CD109: variants seen among roughly 807,000 people sequenced by gnomAD.
CD109 encodes CD109 antigen.
A neutral mutation model predicts 165.8 loss-of-function variants in CD109; 149 were observed. The ratio of observed to expected loss-of-function variants is 0.90; its 90% CI spans 0.79 to 1.03. The LOEUF (loss-of-function observed/expected upper bound fraction) is 1.03. CD109 is among the 50% of genes least tolerant of loss of function. The pLI is 0.00. For synonymous variants in CD109, 585 were observed against 592.1 expected, an observed-to-expected ratio of 0.99 and a Z score of 0.18; for missense variants, 1,712 against 1,677.8, an observed-to-expected ratio of 1.02 and a Z score of -0.36.
chr6:73,775,029 A>G (rs556155530), intron 15 of CD109, among the ~76,000 whole-genome samples: 229 of 152,142 alleles, frequency 1.5e-3, no homozygotes, highest in Non-Finnish European at 2.8e-3. Context: ...TCCAGGAATA[A>G]TTTTTAGACA....
chr6:73,696,944 G>C (rs868542514), intron 1 of CD109, among the ~76,000 whole-genome samples: 18 of 152,218 alleles, frequency 1.2e-4, no homozygotes, highest in Non-Finnish European at 2.9e-5. Context: ...TCGTTGGGCA[G>C]CTACTCAAGG....
chr6:73,705,323 T>A (rs1485331258), intron 2 of CD109, among the ~76,000 whole-genome samples: 1 of 151,988 alleles, frequency 6.6e-6, no homozygotes, highest in Non-Finnish European at 1.5e-5. Context: ...TGAGAGAAGC[T>A]TGGAAAGAGG....
At chr6:73,696,544 AAG>A (rs1770850325) in intron 1 of CD109, among the ~76,000 whole-genome samples, 1 of 152,210 alleles carries the variant, frequency 6.6e-6, no homozygotes, top group Non-Finnish European at 1.5e-5. Context: ...CAACTTTCTG[AAG>A]AGAGTCATTT....
chr6:73,688,761 GTTTTTTTTTTT>G, the CD109 span, among the ~76,000 whole-genome samples: 17 of 73,528 alleles, frequency 2.3e-4, no homozygotes, highest in African/African-American at 6.6e-4. Flanking sequence ...GTTTTTCTTT[GTTTTTTTTTTT>G]TTTTTTTTTT....
In CD109 at chr6:73,810,095, T is replaced by C. The variant is rs1775700630; in HGVS notation, c.3467T>C (p.Phe1156Ser). 1.2e-6 allele frequency: 2 copies of C among 1,610,278 alleles called. No homozygotes were observed. The highest frequency in any genetic ancestry group is 2.7e-5 in the African/African-American group (2 of 74,668). ...GCACTGCTCTCACACTTCTTACAAT[T>C]TCAGACTTCTGAGGGAATCCCAATT... ...AYALLSHFLQ[F>S]QTSEGIPIMR... Residue 1156 changes from phenylalanine (F) to serine (S), a missense_variant, in exon 27 of 33, where the codon TTT becomes TCT. Coordinates refer to ENST00000287097, the MANE Select transcript of CD109 (RefSeq NM_133493.5).
intron 5 of CD109, among the ~76,000 whole-genome samples, chr6:73,747,225 A>C (rs1452430082): frequency 6.6e-6 from 1 of 152,178 alleles, no homozygotes; most frequent in Admixed American, 6.5e-5. Context: ...TCTTTTTATA[A>C]AATCTAATAT....
At chr6:73,818,780 G>A (rs1345420750) in intron 31 of CD109, among the ~76,000 whole-genome samples, 3 of 152,092 alleles carry the variant, frequency 2.0e-5, no homozygotes, top group Non-Finnish European at 4.4e-5. Context: ...TTTATGTCAT[G>A]CCAGATGTGA....
rs761300518 is a variant in CD109, at chr6:73,820,444, C to CT, written c.4060-13dup. The CT allele has an allele frequency of 6.8e-7, 1 of 1,466,858 alleles. No individual in the cohort carries two copies. The highest frequency in any genetic ancestry group is 9.5e-7 in the Non-Finnish European group (1 of 1,051,132). The allele number at this position is 1,466,858 out of a possible 1,614,324, so 90.9% of individuals were successfully genotyped here. On this transcript the variant is annotated splice_polypyrimidine_tract_variant and intron_variant, in intron 31 of 32. Coordinates refer to ENST00000287097, the MANE Select transcript of CD109 (RefSeq NM_133493.5). ...CACAGTGTGCCAACCCCTTAAGACT[C>CT]TTTTGTATTTCTCAAGGTAAATGAA...
upstream of CD109, among the ~76,000 whole-genome samples, chr6:73,693,376 A>AC (rs879801460): frequency 4.6e-5 from 7 of 151,738 alleles, no homozygotes; most frequent in Non-Finnish European, 1.0e-4. Flanking sequence ...GTACTCACTC[A>AC]CCCCCCGACC....
Position 73,762,417 on chromosome 6 carries a change from A to G in CD109, c.792A>G (p.Val264=). 2 of 1,611,880 alleles carry G rather than the reference A, an allele frequency of 1.2e-6. No individual in the cohort carries two copies. Among genetic ancestry groups the G allele is most frequent in the Non-Finnish European group, 1.7e-6 (2 of 1,178,246 alleles). ...ATGGGAAGCCAGTGAAAGGAGACGT[A>G]ACGCTTACATTTTTACCTTTATCCT... ...YTYGKPVKGD[V]TLTFLPLSFW... is the part of the protein sequence containing the mutation. The change falls in exon 8 of 33, where the codon GTA becomes GTG. Residue 264 remains valine (V), a synonymous_variant. Transcript: ENST00000287097.
At chr6:73,789,658 C>T (rs1383354498) in intron 22 of CD109, among the ~76,000 whole-genome samples, 2 of 151,404 alleles carry the variant, frequency 1.3e-5, no homozygotes, top group Non-Finnish European at 2.9e-5. Flanking sequence ...GATGGGGTTT[C>T]ACCATGTTAG....
At chr6:73,704,249 T>G (rs185506093) in intron 2 of CD109, among the ~76,000 whole-genome samples, 1 of 151,902 alleles carries the variant, frequency 6.6e-6, no homozygotes, top group Non-Finnish European at 1.5e-5. Context: ...TTAGTCACAT[T>G]AGAATGAGAA....
chr6:73,758,316 A>G (rs1235138275), intron 6 of CD109, among the ~76,000 whole-genome samples: 2 of 152,128 alleles, frequency 1.3e-5, no homozygotes, highest in African/African-American at 4.8e-5. Flanking sequence ...AGAAACACAC[A>G]TTTTTTACTC....
In CD109 at chr6:73,768,071, A is replaced by C; in HGVS notation, c.1514A>C (p.Gln505Pro). The change falls in exon 14 of 33, where the codon CAG (glutamine) becomes CCG (proline). Residue 505 changes from glutamine (Q) to proline (P), a missense_variant. Transcript: ENST00000287097. ...ELSYMVVSRG[Q>P]LVAVGKQNST... The stretch of plus-strand genomic sequence containing the variant: ...TCTTTTCAGGTAGTATCCAGGGGAC[A>C]GTTGGTGGCTGTAGGAAAACAAAAT... 6.2e-7 allele frequency: 1 copy of C among 1,613,356 alleles called. No individual in the cohort carries two copies. The highest frequency in any genetic ancestry group is 8.5e-7 in the Non-Finnish European group (1 of 1,179,552).
intron 5 of CD109, among the ~76,000 whole-genome samples, chr6:73,754,928 C>T (rs1773330797): frequency 6.6e-6 from 1 of 152,214 alleles, no homozygotes; most frequent in Non-Finnish European, 1.5e-5. Flanking sequence ...ATGCTGAGGA[C>T]TGTGATTTAT....
intron 24 of CD109, among the ~76,000 whole-genome samples, chr6:73,805,057 A>G (rs149635787): frequency 0.031 from 4,745 of 152,314 alleles, 257 homozygotes; most frequent in African/African-American, 0.11. Flanking sequence ...TGGTGGGACC[A>G]TAAACTAGTT....
Position 73,787,239 on chromosome 6 carries a change from G to C in CD109, c.2343G>C (p.Lys781Asn), listed in dbSNP as rs192397894. Residue 781 changes from lysine (K) to asparagine (N), a missense_variant, in exon 21 of 33, where the codon AAG (lysine) becomes AAC (asparagine). Transcript: ENST00000287097. ...FNYLKDATEV[K>N]VIIEKSDKFD... The stretch of plus-strand genomic sequence containing the variant: ...GATTTATTTTTTTCTTTCAGGTTAA[G>C]GTAATCATTGAGAAAAGTGACAAAT... 3 of 1,601,814 alleles carry C rather than the reference G, an allele frequency of 1.9e-6. No individual in the cohort carries two copies. The highest frequency in any genetic ancestry group is 3.3e-5 in the Admixed American group (2 of 59,876).
At chr6:73,762,659 T>C in intron 8 of CD109, 82 bp from the exon 9 acceptor site, 1 of 1,150,680 alleles carries the variant, frequency 8.7e-7, no homozygotes, top group Non-Finnish European at 1.3e-6. Context: ...AGCTATCATA[T>C]TGTTGTGACT....
intron 6 of CD109, among the ~76,000 whole-genome samples, 171 bp from the exon 7 acceptor site, chr6:73,758,773 G>A (rs898208367): frequency 1.3e-5 from 2 of 152,090 alleles, no homozygotes; most frequent in African/African-American, 4.8e-5. Context: ...TATGTATTTG[G>A]ATTCTAATAA....
Sources: gnomAD v4.1 joint callset for allele counts (sites outside exome capture counted in the v4.1 genomes callset) on GRCh38, gnomAD v4.1.1 for gene constraint, MANE v1.5 for transcripts, NCBI Gene and HGNC (gene_info 2026-07-23, HGNC 2026-07-21) for gene names.